AMOTL1: variants seen among roughly 807,000 people sequenced by gnomAD.
The protein encoded by AMOTL1 is angiomotin-like protein 1.
Under a neutral mutation model 102.9 loss-of-function variants are expected in AMOTL1, and 45 were observed. That is an observed-to-expected ratio of 0.44 (90% CI 0.34 to 0.56). The LOEUF (loss-of-function observed/expected upper bound fraction) is 0.56, where lower values mean the gene tolerates loss of function less well. Ranked by LOEUF, AMOTL1 falls within the 20% of genes least tolerant of loss-of-function variation. AMOTL1 has a pLI of 0.01. For synonymous variants in AMOTL1, 481 were observed against 484.7 expected (o/e 0.99, Z 0.10); for missense variants, 1,114 against 1,225.6 (o/e 0.91, Z 1.36).
intron 9 of AMOTL1, among the ~76,000 whole-genome samples, chr11:94,862,532 G>T (rs917436338): frequency 7.2e-5 from 11 of 152,174 alleles, no homozygotes; most frequent in African/African-American, 2.7e-4. Flanking sequence ...CATCTTGATG[G>T]TGTTGGTCAG....
rs548505386 is a variant in AMOTL1, at chr11:94,870,945, G to T, written c.*150G>T. The T allele has an allele frequency of 2.1e-5, 12 of 578,230 alleles. No homozygotes were observed. The highest frequency in any genetic ancestry group is 3.2e-5 in the Non-Finnish European group (11 of 346,738). 35.8% of individuals were successfully genotyped at this position (578,230 alleles called of 1,614,324 possible). A position where few individuals can be genotyped will look rare whatever the true frequency, so the allele number is the denominator to read the frequency against. On this transcript the variant is annotated 3_prime_UTR_variant, in exon 13 of 13. Transcript: ENST00000433060. The stretch of plus-strand genomic sequence containing the variant: ...ACTCATAAGAACACATTTTATAAAT[G>T]TTAAACACAAAAACTACATGACTGA...
At chr11:94,740,308 A>G (rs1199415067) in intron 2 of AMOTL1, 1 of 152,238 alleles carries the variant, frequency 6.6e-6, no homozygotes, top group Non-Finnish European at 1.5e-5. Context: ...CAGACATAAC[A>G]TAACAGAGCA....
rs760831521 is a variant in AMOTL1, at chr11:94,871,350, C to T, written c.*555C>T. On this transcript the variant is annotated 3_prime_UTR_variant, in exon 13 of 13. Coordinates refer to ENST00000433060, the MANE Select transcript of AMOTL1 (RefSeq NM_130847.3). ...ATGAAAGTTGGTCTTCACCTAATTA[C>T]CTGTTTGGTTTGGATTTTCAAGAGA... 2 of 152,228 alleles carry T rather than the reference C, an allele frequency of 1.3e-5. No homozygotes were observed. Among genetic ancestry groups the T allele is most frequent in the Non-Finnish European group, 2.9e-5 (2 of 68,086 alleles). 9.4% of individuals were successfully genotyped at this position (152,228 alleles called of 1,614,324 possible).
chr11:94,715,269 G>C (rs1410794761), intron 1 of AMOTL1, among the ~76,000 whole-genome samples: 1 of 152,046 alleles, frequency 6.6e-6, no homozygotes, highest in Non-Finnish European at 1.5e-5. Flanking sequence ...GTTAATAGCT[G>C]TTTTATGACC....
chr11:94,831,372 G>A (rs1166628073), intron 5 of AMOTL1, 80 bp from the exon 6 acceptor site: 20 of 1,193,100 alleles, frequency 1.7e-5, no homozygotes, highest in Non-Finnish European at 2.4e-5. Context: ...CCCAGCTCTT[G>A]GCACATATTT....
chr11:94,760,595 T>C (rs1436678668), intron 3 of AMOTL1, among the ~76,000 whole-genome samples: 1 of 152,224 alleles, frequency 6.6e-6, no homozygotes, highest in Non-Finnish European at 1.5e-5. Context: ...AGGTCTTTAC[T>C]TACATATCTC....
intron 1 of AMOTL1, among the ~76,000 whole-genome samples, chr11:94,775,316 G>A (rs959086617): frequency 5.3e-5 from 8 of 152,190 alleles, no homozygotes; most frequent in African/African-American, 1.9e-4. Context: ...GCAGTGGATG[G>A]ATGGTTAAGC....
chr11:94,719,593 A>C (rs1591888830), intron 1 of AMOTL1, among the ~76,000 whole-genome samples: 1 of 148,746 alleles, frequency 6.7e-6, no homozygotes, highest in African/African-American at 2.4e-5. Context: ...TGTGTGAGAG[A>C]GAGAGAGATT....
chr11:94,790,757 C>T (rs12418549), intron 1 of AMOTL1, among the ~76,000 whole-genome samples: 10,695 of 152,084 alleles, frequency 0.07, 716 homozygotes, highest in East Asian at 0.28. Flanking sequence ...TGTATGATAG[C>T]GGAATGACAG....
intron 1 of AMOTL1, among the ~76,000 whole-genome samples, chr11:94,782,081 G>T (rs576171388): frequency 6.6e-6 from 1 of 151,988 alleles, no homozygotes; most frequent in Admixed American, 6.5e-5. Flanking sequence ...AAGTGCTTCC[G>T]CTGCAAACTG....
intron 2 of AMOTL1, among the ~76,000 whole-genome samples, chr11:94,730,735 T>C (rs540597610): frequency 5.3e-5 from 8 of 152,324 alleles, no homozygotes; most frequent in East Asian, 1.9e-4. Context: ...TCTGCCTTCA[T>C]TGAAAACCTT....
At chr11:94,868,955 A>C (rs1952936539) in intron 11 of AMOTL1, among the ~76,000 whole-genome samples, 1 of 151,612 alleles carries the variant, frequency 6.6e-6, no homozygotes, top group Non-Finnish European at 1.5e-5. Flanking sequence ...AAAAAAAAAA[A>C]ACAAAAAAAA....
chr11:94,791,981 C>T (rs899546813), intron 1 of AMOTL1, among the ~76,000 whole-genome samples: 4 of 152,064 alleles, frequency 2.6e-5, no homozygotes, highest in Admixed American at 1.3e-4. Flanking sequence ...TGTGTGGCCC[C>T]GGAATCTGGG....
At chr11:94,737,735 A>T (rs1950456810) in intron 2 of AMOTL1, among the ~76,000 whole-genome samples, 1 of 152,234 alleles carries the variant, frequency 6.6e-6, no homozygotes, top group Non-Finnish European at 1.5e-5. Flanking sequence ...TCCACTCATA[A>T]GATCAGCAGG....
intron 8 of AMOTL1, among the ~76,000 whole-genome samples, chr11:94,854,962 A>G (rs1952630671): frequency 6.6e-6 from 1 of 152,166 alleles, no homozygotes; most frequent in South Asian, 2.1e-4. Flanking sequence ...CAGAGTGAAA[A>G]GCCCAGCCTG....
rs1951866255 is a variant in AMOTL1, at chr11:94,821,573, A to G, written c.1165A>G (p.Ser389Gly). ...GTTCCCATCAACCATGCAGCAGCAC[A>G]GCCCCATGTCCTCCCAGACCTCTTC... The part of the protein sequence containing the change: ...LPFPSTMQQH[S>G]PMSSQTSSAS... The change falls in exon 4 of 13, where the codon AGC (serine) becomes GGC (glycine). Residue 389 changes from serine to glycine, a missense_variant. Coordinates refer to ENST00000433060, the MANE Select transcript of AMOTL1 (RefSeq NM_130847.3). 1.9e-6 allele frequency: 3 copies of G among 1,613,736 alleles called. No homozygotes were observed. Among genetic ancestry groups the G allele is most frequent in the Non-Finnish European group, 2.5e-6 (3 of 1,179,886 alleles).
At chr11:94,753,013 A>C (rs183574335) in intron 3 of AMOTL1, among the ~76,000 whole-genome samples, 45 of 152,280 alleles carry the variant, frequency 3.0e-4, no homozygotes, top group Admixed American at 2.9e-3. Flanking sequence ...TCCTTTTATA[A>C]AAATATTTAC....
Position 94,739,348 on chromosome 11 carries a change from A to G in AMOTL1, c.86-1590A>G, listed in dbSNP as rs182190288. 5.8e-3 allele frequency among the ~76,000 whole-genome samples: 876 copies of G among 152,296 alleles called. 11 individuals carry two copies. The highest frequency in any genetic ancestry group is 0.015 in the African/African-American group (643 of 41,548). On this transcript the variant is annotated intron_variant, in intron 2 of 4. Transcript: ENST00000299004. Reference sequence around the variant, plus strand: ...TGGATTTGGGAGCTCAGATTATAAGAAGCAGGAAAAAGAAGAGGTTGGAGA... The same window carrying G: ...TGGATTTGGGAGCTCAGATTATAAGGAGCAGGAAAAAGAAGAGGTTGGAGA...
chr11:94,854,112 A>G lies in AMOTL1; in HGVS notation c.1944+30A>G, dbSNP rs558041236. On this transcript the variant is annotated intron_variant, in intron 8 of 12. Coordinates refer to ENST00000433060, the MANE Select transcript of AMOTL1 (RefSeq NM_130847.3). Reference sequence around the variant, plus strand: ...GGAACTGGGCATGGACTGGTGAAAGAATTAGATATGTTCACTCAGCAAACG... The same window carrying G: ...GGAACTGGGCATGGACTGGTGAAAGGATTAGATATGTTCACTCAGCAAACG... 6.0e-6 allele frequency: 9 copies of G among 1,500,864 alleles called. No individual in the cohort carries two copies. The South Asian group carries it at 9.2e-5, about 15-fold the overall frequency. The allele number at this position is 1,500,864 out of a possible 1,614,324, so 93.0% of individuals were successfully genotyped here.
Sources: gnomAD v4.1 joint callset for allele counts (sites outside exome capture counted in the v4.1 genomes callset) on GRCh38, gnomAD v4.1.1 for gene constraint, MANE v1.5 for transcripts, NCBI Gene and HGNC (gene_info 2026-07-23, HGNC 2026-07-21) for gene names.